The following TENM2 variants were observed in gnomAD, a reference collection of about 807,000 sequenced individuals.
TENM2 encodes the protein teneurin-2.
In TENM2, 52 loss-of-function variants were observed where a neutral mutation model predicts 245.2. The observed-to-expected ratio is 0.21, with a 90% CI of 0.17 to 0.27. The LOEUF (loss-of-function observed/expected upper bound fraction) is 0.27. Among genes scored for constraint, TENM2 ranks in the 10% least tolerant of loss-of-function variants. The pLI is 1.00. For missense variants in TENM2, 3,046 were observed against 3,666.8 expected, an observed-to-expected ratio of 0.83 and a Z score of 4.37; for synonymous variants, 1,363 against 1,438.9, an observed-to-expected ratio of 0.95 and a Z score of 1.19.
chr5:167,101,144 G>T, the TENM2 span, among the ~76,000 whole-genome samples: 2 of 152,158 alleles, frequency 1.3e-5, no homozygotes, highest in African/African-American at 2.4e-5. Context: ...TGATGAATTT[G>T]ATTTATTTTG....
chr5:167,055,930 G>GT, the TENM2 span, among the ~76,000 whole-genome samples: 2 of 151,858 alleles, frequency 1.3e-5, no homozygotes, highest in Admixed American at 1.3e-4. Flanking sequence ...CATTAGCTAG[G>GT]TTTTCCAGTA....
At chr5:167,768,102 A>G (rs539093253) in intron 2 of TENM2, among the ~76,000 whole-genome samples, 1 of 152,292 alleles carries the variant, frequency 6.6e-6, no homozygotes, top group African/African-American at 2.4e-5. Context: ...AGCATATGCA[A>G]CTAACTACTC....
intron 5 of TENM2, among the ~76,000 whole-genome samples, chr5:168,003,081 A>G (rs1784529442): frequency 2.0e-5 from 3 of 152,204 alleles, no homozygotes; most frequent in Admixed American, 6.5e-5. Flanking sequence ...TCATTTTCCC[A>G]GGACCATCAG....
intron 21 of TENM2, 53 bp downstream of exon 23, chr5:168,215,325 C>A: frequency 1.3e-6 from 2 of 1,482,278 alleles, no homozygotes; most frequent in Non-Finnish European, 1.9e-6. Context: ...TTGCCACCAG[C>A]TTGGCTTTCT....
At chr5:167,991,581 G>A (rs17069520) in intron 4 of TENM2, among the ~76,000 whole-genome samples, 19,108 of 152,178 alleles carry the variant, frequency 0.13, 1,344 homozygotes, top group East Asian at 0.27. Flanking sequence ...CCCTTGGAGC[G>A]ACAGACTCCC....
At chr5:167,514,208 T>C (rs1770157716) in intron 2 of TENM2, among the ~76,000 whole-genome samples, 1 of 152,188 alleles carries the variant, frequency 6.6e-6, no homozygotes, top group African/African-American at 2.4e-5. Flanking sequence ...CTACCTACTT[T>C]TCAAAATACT....
chr5:167,752,426 C>T (rs369444207), intron 2 of TENM2, among the ~76,000 whole-genome samples: 1 of 151,860 alleles, frequency 6.6e-6, no homozygotes, highest in Non-Finnish European at 1.5e-5. Context: ...TTGGAACCCC[C>T]TTCTTGAAAC....
At chr5:167,920,766 A>G (rs1414393576) in intron 3 of TENM2, among the ~76,000 whole-genome samples, 1 of 152,162 alleles carries the variant, frequency 6.6e-6, no homozygotes, top group South Asian at 2.1e-4. Context: ...TTTTCTGTGT[A>G]TTTAGTGCCA....
intron 10 of TENM2, among the ~76,000 whole-genome samples, chr5:168,122,680 C>CA (rs1237509242): frequency 6.6e-6 from 1 of 152,080 alleles, no homozygotes; most frequent in Non-Finnish European, 1.5e-5. Flanking sequence ...TAATAATAAG[C>CA]AACCAAAATT....
chr5:167,170,991 G>A, the TENM2 span, among the ~76,000 whole-genome samples: 1 of 152,042 alleles, frequency 6.6e-6, no homozygotes, highest in South Asian at 2.1e-4. Flanking sequence ...CTTTGCTGGG[G>A]GCTGGCCCAT....
At chr5:168,124,919 G>A in exon 11 of TENM2, 1 of 1,613,070 alleles carries the variant, frequency 6.2e-7, no homozygotes, top group East Asian at 2.2e-5. Flanking sequence ...TGCAGCCCTG[G>A]CTGGGGTGGT....
chr5:167,835,818 A>G (rs531600583), intron 2 of TENM2, among the ~76,000 whole-genome samples: 2 of 152,320 alleles, frequency 1.3e-5, no homozygotes, highest in East Asian at 1.9e-4. Context: ...AAAAATATCA[A>G]TACAACATAT....
At chr5:168,198,489 C>T (rs545147400) in intron 15 of TENM2, among the ~76,000 whole-genome samples, 1 of 152,176 alleles carries the variant, frequency 6.6e-6, no homozygotes, top group East Asian at 1.9e-4. Flanking sequence ...AGCCACCATG[C>T]CCTGCCCAAT....
the TENM2 span, among the ~76,000 whole-genome samples, chr5:167,024,783 C>T: frequency 3.7e-4 from 56 of 152,292 alleles, no homozygotes; most frequent in Non-Finnish European, 7.4e-4. Flanking sequence ...CATGAAGGAG[C>T]ATCCATGCAT....
intron 23 of TENM2, among the ~76,000 whole-genome samples, chr5:168,221,842 A>G (rs1000514478): frequency 3.9e-5 from 6 of 152,198 alleles, no homozygotes; most frequent in Admixed American, 3.9e-4. Flanking sequence ...CCAGGATGAC[A>G]GGGGTGTGGA....
intron 1 of TENM2, among the ~76,000 whole-genome samples, chr5:167,322,597 C>A (rs1183377192): frequency 2.6e-5 from 4 of 152,122 alleles, no homozygotes; most frequent in Non-Finnish European, 5.9e-5. Context: ...TACCTTTTCC[C>A]TCCCCCTTTT....
At chr5:168,132,049 C>T (rs1046304074) in intron 12 of TENM2, among the ~76,000 whole-genome samples, 1 of 151,786 alleles carries the variant, frequency 6.6e-6, no homozygotes, top group Non-Finnish European at 1.5e-5. Flanking sequence ...ATAATTTGGC[C>T]AAAACATGAG....
At chr5:167,634,479 T>TC (rs530074821) in intron 2 of TENM2, among the ~76,000 whole-genome samples, 1 of 23,930 alleles carries the variant, frequency 4.2e-5, no homozygotes, top group Non-Finnish European at 2.8e-4. Context: ...ACTTAACTGA[T>TC]TTTTTTTTTT....
chr5:167,363,354 T>C (rs1012144712), intron 1 of TENM2, among the ~76,000 whole-genome samples: 15 of 152,268 alleles, frequency 9.9e-5, no homozygotes, highest in Middle Eastern at 3.4e-3. Context: ...CAAATACAAA[T>C]TTTTTAGCCG....
Sources: gnomAD v4.1 joint callset for allele counts (sites outside exome capture counted in the v4.1 genomes callset) on GRCh38, gnomAD v4.1.1 for gene constraint, MANE v1.5 for transcripts, NCBI Gene and HGNC (gene_info 2026-07-23, HGNC 2026-07-21) for gene names.